Variants in MTRF1L observed in about 807,000 individuals in gnomAD.
MTRF1L encodes mitochondrial translation release factor 1 like, also known as peptide chain release factor 1-like, mitochondrial.
In MTRF1L, 29 loss-of-function variants were observed where a neutral mutation model predicts 40.0. That is an observed-to-expected ratio of 0.73 (90% confidence interval 0.54 to 0.99). The LOEUF is 0.99. MTRF1L is among the 50% of genes least tolerant of loss of function. The pLI is 0.00. For missense variants in MTRF1L, 412 were observed against 464.5 expected (o/e 0.89, Z 1.04); for synonymous variants, 150 against 175.8 (o/e 0.85, Z 1.16).
intron 6 of MTRF1L, among the ~76,000 whole-genome samples, chr6:152,990,827 TAACA>T (rs1297472420): frequency 6.6e-6 from 1 of 151,806 alleles, no homozygotes; most frequent in African/African-American, 2.4e-5. Flanking sequence ...TCCATGTCAA[TAACA>T]AACAACAACA....
chr6:152,995,399 A>C, intron 2 of MTRF1L, 80 bp from the exon 3 acceptor site: 1 of 1,251,130 alleles, frequency 8.0e-7, no homozygotes, highest in Non-Finnish European at 1.1e-6. Flanking sequence ...TGATTCAGGA[A>C]TTTTAAATAT....
Position 152,989,993 on chromosome 6 carries a change from A to G in MTRF1L, c.1045T>C (p.Phe349Leu), listed in dbSNP as rs145697730. ...INKTLHDLET[F>L]MQGDYLLDEL... The stretch of plus-strand genomic sequence containing the variant: ...TCCAGTAGATAATCTCCTTGCATAA[A>G]AGTTTCAAGATCATGCAGCGTCTTG... Residue 349 changes from phenylalanine (F) to leucine (L), a missense_variant, in exon 7 of 7, where the codon TTT (phenylalanine) becomes CTT (leucine). Phe to Leu is a conservative substitution (Grantham distance 22). Coordinates refer to ENST00000367233, the MANE Select transcript of MTRF1L (RefSeq NM_019041.7). The G allele has an allele frequency of 6.2e-7, 1 of 1,613,794 alleles. No individual in the cohort carries two copies. The highest frequency in any genetic ancestry group is 1.7e-5 in the Admixed American group (1 of 59,994).
In MTRF1L at chr6:152,989,677, A is replaced by G. The variant is rs1379543558; in HGVS notation, c.*218T>C. 1 of 551,722 alleles carries G rather than the reference A, an allele frequency of 1.8e-6. No homozygotes were observed. Among genetic ancestry groups the G allele is most frequent in the Non-Finnish European group, 3.0e-6 (1 of 331,986 alleles). The allele number at this position is 551,722 out of a possible 1,614,324, so 34.2% of individuals were successfully genotyped here. On this transcript the variant is annotated 3_prime_UTR_variant, in exon 7 of 7. Coordinates refer to ENST00000367233, the MANE Select transcript of MTRF1L (RefSeq NM_019041.7). Reference sequence around the variant, plus strand: ...TTAACTTATGATGGGTTTATTGGGAATTAACCACAATGTAAATCGAGGACC... The same window carrying G: ...TTAACTTATGATGGGTTTATTGGGAGTTAACCACAATGTAAATCGAGGACC...
chr6:153,002,406 T>C (rs1261017833), intron 1 of MTRF1L, 21 bp downstream of exon 1: 8 of 1,613,718 alleles, frequency 5.0e-6, no homozygotes, highest in Non-Finnish European at 6.8e-6. Flanking sequence ...CTGACGCCTC[T>C]CCCCCGGGCC....
intron 3 of MTRF1L, 27 bp downstream of exon 3, chr6:152,995,109 C>T (rs1422856508): frequency 5.7e-6 from 9 of 1,567,514 alleles, no homozygotes; most frequent in Non-Finnish European, 7.8e-6. Context: ...AACACTTTAC[C>T]TGAAACAAAA....
chr6:152,992,576 T>G (rs910576825), intron 5 of MTRF1L, among the ~76,000 whole-genome samples: 12 of 152,152 alleles, frequency 7.9e-5, no homozygotes, highest in African/African-American at 2.9e-4. Flanking sequence ...AATTTTCTTT[T>G]TAAGTGTAAA....
In MTRF1L at chr6:152,998,550, C is replaced by T. The variant is rs1196809342; in HGVS notation, c.339G>A (p.Gln113=). ...TTTATTCTTTGCAGAAATACCATAC[C>T]TGATGCTTCAGCTGAGTTATTTCTT... ...CQKEITQLKH[Q]IILLLVPSEE... The change falls in exon 2 of 7, where the codon CAG becomes CAA. Residue 113 remains glutamine, a splice_region_variant and synonymous_variant. Transcript: ENST00000367233. 4 of 1,580,364 alleles carry T rather than the reference C, an allele frequency of 2.5e-6. No homozygotes were observed. Among genetic ancestry groups the T allele is most frequent in the Non-Finnish European group, 3.4e-6 (4 of 1,165,424 alleles).
chr6:152,994,671 G>C lies in MTRF1L; in HGVS notation c.529C>G (p.Leu177Val). ...LEYFPSELGGLRHASASIGGS... is the reference protein window; with the variant it reads ...LEYFPSELGGVRHASASIGGS... ...CCAATGCTGGCAGATGCATGTCTAA[G>C]GCCACCTTGAAAATACAGGGAAATA... Residue 177 changes from leucine (L) to valine (V), a missense_variant, in exon 4 of 7, where the codon CTT becomes GTT. Transcript: ENST00000367233. The C allele has an allele frequency of 6.2e-7, 1 of 1,614,020 alleles. No individual in the cohort carries two copies. The highest frequency in any genetic ancestry group is 8.5e-7 in the Non-Finnish European group (1 of 1,179,976).
At chr6:152,996,837 C>T (rs1054797021) in intron 2 of MTRF1L, among the ~76,000 whole-genome samples, 18 of 152,118 alleles carry the variant, frequency 1.2e-4, no homozygotes, top group Admixed American at 8.5e-4. Flanking sequence ...AATAAGTATT[C>T]CTGGCCCTGA....
In MTRF1L at chr6:152,988,566, A is replaced by T. The variant is rs1584089153; in HGVS notation, c.*1329T>A. On this transcript the variant is annotated 3_prime_UTR_variant, in exon 7 of 7. Coordinates refer to ENST00000367233, the MANE Select transcript of MTRF1L (RefSeq NM_019041.7). ...TAACTTTTGCTCTGATTTTCCAATT[A>T]TAAGGTCAAACATTATTCTAGGTGT... 8.8e-5 allele frequency: 3 copies of T among 34,154 alleles called. No homozygotes were observed. The highest frequency in any genetic ancestry group is 1.4e-4 in the Non-Finnish European group (3 of 21,570). The allele number at this position is 34,154 out of a possible 1,614,324, so 2.1% of individuals were successfully genotyped here. A position where few individuals can be genotyped will look rare whatever the true frequency, so the allele number is the denominator to read the frequency against.
intron 4 of MTRF1L, among the ~76,000 whole-genome samples, chr6:152,994,157 T>C (rs1226033610): frequency 6.6e-6 from 1 of 152,170 alleles, no homozygotes; most frequent in Non-Finnish European, 1.5e-5. Context: ...GTAATTACCT[T>C]TGTTAAATAG....
intron 1 of MTRF1L, among the ~76,000 whole-genome samples, chr6:153,002,199 A>G (rs982676667): frequency 1.3e-5 from 2 of 152,202 alleles, no homozygotes; most frequent in African/African-American, 2.4e-5. Context: ...CCGAGTCCAC[A>G]ACTAATAAGC....
chr6:152,994,304 A>G (rs552710702), intron 4 of MTRF1L, among the ~76,000 whole-genome samples: 1 of 152,344 alleles, frequency 6.6e-6, no homozygotes, highest in Admixed American at 6.5e-5. Context: ...GGAAAATACT[A>G]ATACACAGAC....
chr6:152,990,711 C>T (rs1308998725), intron 6 of MTRF1L, among the ~76,000 whole-genome samples: 1 of 152,108 alleles, frequency 6.6e-6, no homozygotes, highest in Non-Finnish European at 1.5e-5. Context: ...ATAATCCCAG[C>T]TACTCAGGAG....
rs1778437842 is a variant in MTRF1L at position 152,989,828 on chromosome 6, T to C, written c.*67A>G. ...ACGTTTTTCAAGAGAGTAAGGGTAC[T>C]TTCACCCTATGTGGATGTACTGTAG... On this transcript the variant is annotated 3_prime_UTR_variant, in exon 7 of 7. Coordinates refer to ENST00000367233, the MANE Select transcript of MTRF1L (RefSeq NM_019041.7). The C allele has an allele frequency of 4.7e-6, 7 of 1,500,322 alleles. No homozygotes were observed. 92.9% of individuals were successfully genotyped at this position (1,500,322 alleles called of 1,614,324 possible).
At position 152,998,531 on chromosome 6, in the gene MTRF1L, C is replaced by T; in HGVS notation, c.339+19G>A. ...CTAAGAATAGCACAAATGCTTTATT[C>T]TTTGCAGAAATACCATACCTGATGC... On this transcript the variant is annotated intron_variant, in intron 2 of 6. Coordinates refer to ENST00000367233, the MANE Select transcript of MTRF1L (RefSeq NM_019041.7). 6.5e-7 allele frequency: 1 copy of T among 1,538,838 alleles called. No individual in the cohort carries two copies. Among genetic ancestry groups the T allele is most frequent in the Non-Finnish European group, 8.8e-7 (1 of 1,141,710 alleles).
chr6:152,995,156 T>G lies in MTRF1L; in HGVS notation c.503A>C (p.Glu168Ala), dbSNP rs1448468500. Reference sequence around the variant, plus strand: ...CTGACCTAGTTCACTTGGAAAATATTCCAGGGTTTCAAAATGCCATCTTTT... The same window carrying G: ...CTGACCTAGTTCACTTGGAAAATATGCCAGGGTTTCAAAATGCCATCTTTT... ...AFKRWHFETL[E>A]YFPSELGGLR... Residue 168 changes from glutamate (E) to alanine (A), a missense_variant, in exon 3 of 7, where the codon GAA becomes GCA. Transcript: ENST00000367233. 34 of 1,602,964 alleles carry G rather than the reference T, an allele frequency of 2.1e-5. No individual in the cohort carries two copies. Among genetic ancestry groups the G allele is most frequent in the Non-Finnish European group, 2.4e-5 (28 of 1,176,154 alleles).
At position 152,994,864 on chromosome 6, in the gene MTRF1L, G is replaced by A. The variant is rs569363027; in HGVS notation, c.524-188C>T. 8.9e-5 allele frequency: 71 copies of A among 800,778 alleles called. No individual in the cohort carries two copies. The East Asian group carries it at 1.9e-3, about 21-fold the overall frequency. The allele number at this position is 800,778 out of a possible 1,614,324, so 49.6% of individuals were successfully genotyped here. On this transcript the variant is annotated intron_variant, in intron 3 of 6. Coordinates refer to ENST00000367233, the MANE Select transcript of MTRF1L (RefSeq NM_019041.7). ...TTACTGCTTACAAGTACTAAACAAA[G>A]CATTTATGGGGCTAATCAGTTGACA...
In MTRF1L at chr6:152,995,119, A is replaced by G. The variant is rs1385246432; in HGVS notation, c.523+17T>C. On this transcript the variant is annotated intron_variant, in intron 3 of 6. Transcript: ENST00000367233. The stretch of plus-strand genomic sequence containing the variant: ...TCCTAAACACTTTACCTGAAACAAA[A>G]TGAATAGTTTACTGACCTAGTTCAC... 2 of 1,582,312 alleles carry G rather than the reference A, an allele frequency of 1.3e-6. No individual in the cohort carries two copies. The highest frequency in any genetic ancestry group is 1.7e-6 in the Non-Finnish European group (2 of 1,166,004).
Sources: allele counts gnomAD v4.1 joint callset (sites outside exome capture counted in the v4.1 genomes callset), GRCh38; gene constraint gnomAD v4.1.1; transcripts MANE v1.5; gene names NCBI Gene and HGNC (gene_info 2026-07-23, HGNC 2026-07-21).